The following DST variants were observed in gnomAD, a reference collection of about 807,000 sequenced individuals.
DST encodes the protein dystonin.
Under a neutral mutation model 875.2 loss-of-function variants are expected in DST, and 253 were observed. The ratio of observed to expected loss-of-function variants is 0.29; its 90% CI spans 0.26 to 0.32. DST has a LOEUF of 0.32. DST is among the 10% of genes least tolerant of loss of function. The pLI, the probability that DST is intolerant of heterozygous loss-of-function variation, is 1.00. For missense variants in DST, 8,287 were observed against 9,111.6 expected (o/e 0.91, Z 3.68); for synonymous variants, 3,124 against 3,197.1 (o/e 0.98, Z 0.77).
At chr6:56,534,612 C>G (rs746123310) in intron 63 of DST, among the ~76,000 whole-genome samples, 20 of 152,164 alleles carry the variant, frequency 1.3e-4, no homozygotes, top group Non-Finnish European at 2.6e-4. Flanking sequence ...AAGACAATTT[C>G]ATAGGGATCA....
At chr6:56,577,397 T>C (rs1392243837) in intron 50 of DST, among the ~76,000 whole-genome samples, 1 of 152,224 alleles carries the variant, frequency 6.6e-6, no homozygotes, top group Non-Finnish European at 1.5e-5. Flanking sequence ...AGAACTTCCA[T>C]TCATATTTTC....
intron 98 of DST, chr6:56,466,996 T>C (rs1329981917): frequency 2.0e-5 from 3 of 152,216 alleles, no homozygotes; most frequent in Non-Finnish European, 2.9e-5. Context: ...TGCTACAAAT[T>C]CTGCAAGTCC....
chr6:56,469,861 C>A, intron 97 of DST, 22 bp downstream of exon 97: 2 of 1,594,510 alleles, frequency 1.3e-6, no homozygotes, highest in Non-Finnish European at 1.7e-6. Flanking sequence ...AAAGGAACTA[C>A]AACATTACTT....
intron 49 of DST, among the ~76,000 whole-genome samples, chr6:56,580,420 T>C (rs577560246): frequency 6.6e-6 from 1 of 152,142 alleles, no homozygotes; most frequent in Non-Finnish European, 1.5e-5. Context: ...CACGGTAGTC[T>C]GTGCCTGTAG....
chr6:56,628,275 C>T (rs41271878), intron 32 of DST, 114 bp from the exon 33 acceptor site: 61 of 918,352 alleles, frequency 6.6e-5, no homozygotes, highest in Admixed American at 4.3e-4. Flanking sequence ...AAGCACAAGA[C>T]GGGTATGTAT....
chr6:56,462,490 C>T (rs958570399), intron 102 of DST, among the ~76,000 whole-genome samples: 6 of 152,038 alleles, frequency 3.9e-5, no homozygotes, highest in Non-Finnish European at 7.4e-5. Flanking sequence ...CCCCTCTGAC[C>T]CCCCTGCACT....
At chr6:56,936,967 T>C (rs1294105748) in intron 2 of DST, among the ~76,000 whole-genome samples, 5 of 152,078 alleles carry the variant, frequency 3.3e-5, no homozygotes, top group South Asian at 4.2e-4. Context: ...ATGGGTTCAC[T>C]GGTGAAATAT....
intron 5 of DST, among the ~76,000 whole-genome samples, chr6:56,712,901 A>G (rs1255048672): frequency 6.6e-6 from 1 of 152,204 alleles, no homozygotes. Context: ...GTAACGTTAT[A>G]CCAAATTCAT....
At chr6:56,466,316 T>C in intron 98 of DST, 121 bp from the exon 99 acceptor site, 1 of 563,696 alleles carries the variant, frequency 1.8e-6, no homozygotes. Flanking sequence ...TCATAGCGAT[T>C]AGTAAAATCT....
chr6:56,607,246 C>A lies in DST; in HGVS notation c.7382G>T (p.Gly2461Val). ...TAAGGCTGGGGCTTCACACTTATTT[C>A]CATTGCTCTCTGGGGTGTGTGTATC... ...FNDTHTPESN[G>V]NKCEAPALSF... Residue 2461 changes from glycine (G) to valine (V), a missense_variant, in exon 40 of 104, where the codon GGA (glycine) becomes GTA (valine). Gly to Val is a moderately radical substitution (Grantham distance 109, BLOSUM62 -3). Coordinates refer to ENST00000680361, the MANE Select transcript of DST (RefSeq NM_001374736.1). 1 of 1,613,466 alleles carries A rather than the reference C, an allele frequency of 6.2e-7. No homozygotes were observed. Among genetic ancestry groups the A allele is most frequent in the Non-Finnish European group, 8.5e-7 (1 of 1,179,612 alleles).
intron 2 of DST, among the ~76,000 whole-genome samples, chr6:56,920,923 T>C (rs968047555): frequency 1.1e-4 from 15 of 141,402 alleles, no homozygotes; most frequent in Admixed American, 2.2e-4. Flanking sequence ...TTTTTTTTTT[T>C]CACAGAGACA....
intron 82 of DST, among the ~76,000 whole-genome samples, chr6:56,494,438 GT>G (rs2095846990): frequency 6.6e-6 from 1 of 152,114 alleles, no homozygotes; most frequent in Non-Finnish European, 1.5e-5. Context: ...TGAAGCAACA[GT>G]TTAAATGCTG....
Position 56,642,009 on chromosome 6 carries a change from A to C in DST, c.1965T>G (p.His655Gln). 6.2e-7 allele frequency: 1 copy of C among 1,613,470 alleles called. No individual in the cohort carries two copies. ...ILECENLLRQ[H>Q]VIDVQILIDG... The stretch of plus-strand genomic sequence containing the variant: ...CAATAAGAATCTGTACATCAATTAC[A>C]TGCTGGCGTAAAAGGTTCTCACATT... Residue 655 changes from histidine (H) to glutamine (Q), a missense_variant, in exon 17 of 104, where the codon CAT becomes CAG. His to Gln is a conservative substitution (Grantham distance 24). Coordinates refer to ENST00000680361, the MANE Select transcript of DST (RefSeq NM_001374736.1).
chr6:56,608,400 A>G lies in DST; in HGVS notation c.6228T>C (p.His2076=), dbSNP rs377673746. 6.2e-7 allele frequency: 1 copy of G among 1,613,354 alleles called. No individual in the cohort carries two copies. Among genetic ancestry groups the G allele is most frequent in the African/African-American group, 1.3e-5 (1 of 74,926 alleles). The change falls in exon 40 of 104, where the codon CAT becomes CAC. Residue 2076 remains histidine, a synonymous_variant. Transcript: ENST00000680361. ...QRGYVGLIWP[H]SGEIFPTSSS... The stretch of plus-strand genomic sequence containing the variant: ...ATGATGTGGGAAATATTTCACCAGA[A>G]TGGGGCCAAATGAGTCCAACATAGC...
intron 4 of DST, among the ~76,000 whole-genome samples, chr6:56,809,683 C>T (rs190095192): frequency 5.9e-5 from 9 of 152,210 alleles, no homozygotes; most frequent in South Asian, 2.1e-4. Context: ...TCATAGTAAA[C>T]GTAACCATTC....
chr6:56,932,307 G>A (rs528084147), intron 2 of DST, among the ~76,000 whole-genome samples: 164 of 152,260 alleles, frequency 1.1e-3, no homozygotes, highest in African/African-American at 3.9e-3. Flanking sequence ...TGATTCTGAG[G>A]CCTCCCCAGC....
chr6:56,590,005 A>G (rs1306901980), intron 49 of DST, among the ~76,000 whole-genome samples: 2 of 152,266 alleles, frequency 1.3e-5, no homozygotes, highest in African/African-American at 4.8e-5. Context: ...GTTAATAAAC[A>G]TCAAAGAAAT....
chr6:56,635,900 G>A (rs1184060356), intron 23 of DST, among the ~76,000 whole-genome samples, 186 bp from the exon 24 acceptor site: 1 of 152,148 alleles, frequency 6.6e-6, no homozygotes. Flanking sequence ...GAATAGTTAT[G>A]AATGAACATA....
intron 4 of DST, among the ~76,000 whole-genome samples, chr6:56,788,054 G>T (rs928378543): frequency 1.4e-5 from 2 of 147,066 alleles, no homozygotes; most frequent in Admixed American, 6.8e-5. Flanking sequence ...ACTTGAACCT[G>T]GGAGGGGGAG....
Sources: gnomAD v4.1 joint callset for allele counts (sites outside exome capture counted in the v4.1 genomes callset) on GRCh38, gnomAD v4.1.1 for gene constraint, MANE v1.5 for transcripts, NCBI Gene and HGNC (gene_info 2026-07-23, HGNC 2026-07-21) for gene names.